ANKHD1: variants seen among roughly 807,000 people sequenced by gnomAD.
The protein encoded by ANKHD1 is ankyrin repeat and KH domain containing 1.
ANKHD1 carries 31 observed loss-of-function variants against 230.5 expected under a neutral mutation model. That is an observed-to-expected ratio of 0.13 (90% CI 0.10 to 0.18). The LOEUF is 0.18. Ranked by LOEUF, ANKHD1 falls within the 10% of genes least tolerant of loss-of-function variation. The pLI, the probability that ANKHD1 is intolerant of heterozygous loss-of-function variation, is 1.00. For synonymous variants in ANKHD1, 1,074 were observed against 1,117.6 expected (o/e 0.96, Z 0.78); for missense variants, 2,256 against 3,071.3 (o/e 0.73, Z 6.27).
chr5:140,524,876 G>A (rs572351422), intron 25 of ANKHD1: 55 of 198,538 alleles, frequency 2.8e-4, no homozygotes, highest in African/African-American at 1.2e-3. Context: ...GGCCGAGAGC[G>A]GATCACGAGG....
chr5:140,480,043 G>A (rs1425949522), intron 10 of ANKHD1, among the ~76,000 whole-genome samples: 1 of 151,800 alleles, frequency 6.6e-6, no homozygotes, highest in African/African-American at 2.4e-5. Context: ...GCCCACAGTA[G>A]CCTGATTCCC....
rs536935181 is a variant in ANKHD1 at position 140,507,338 on chromosome 5, G to C, written c.3551+361G>C. ...TATTTATTTTTTGAGATGGAGTTTC[G>C]CTCTTGTTGCCCAGGCTGGAATGCA... is the stretch of plus-strand genomic sequence containing the variant. On this transcript the variant is annotated intron_variant, in intron 19 of 33. Coordinates refer to ENST00000360839, the MANE Select transcript of ANKHD1 (RefSeq NM_017747.3). This position sits in a 1 kb window ranked among gnomAD's most constrained non-coding sequence, Gnocchi z 4.1. 2.6e-5 allele frequency among the ~76,000 whole-genome samples: 4 copies of C among 152,060 alleles called. No individual in the cohort carries two copies. The highest frequency in any genetic ancestry group is 4.4e-5 in the Non-Finnish European group (3 of 68,010).
intron 14 of ANKHD1, among the ~76,000 whole-genome samples, chr5:140,491,731 A>C (rs1426521042): frequency 6.6e-6 from 1 of 152,156 alleles, no homozygotes; most frequent in Non-Finnish European, 1.5e-5. Context: ...TTATGGATCT[A>C]TATAAGAATT....
chr5:140,472,496 C>G, intron 10 of ANKHD1: 1 of 1,275,936 alleles, frequency 7.8e-7, no homozygotes, highest in Non-Finnish European at 1.0e-6. Flanking sequence ...CCTTAGTCTT[C>G]TTTCTCAGTG....
chr5:140,436,239 G>A lies in ANKHD1; in HGVS notation c.442G>A (p.Ala148Thr), dbSNP rs1773437407. Residue 148 changes from alanine to threonine, a missense_variant, in exon 2 of 34, where the codon GCA (alanine) becomes ACA (threonine). By Grantham distance (58) the Ala-to-Thr change is moderately conservative. Transcript: ENST00000360839. ...VDPETQARLE[A>T]LLEAAGIGKL... is the part of the protein sequence containing the mutation. The stretch of plus-strand genomic sequence containing the variant: ...TCCAGAGACACAGGCACGACTAGAA[G>A]CATTGCTAGAAGCAGCAGGTACTTT... 6.3e-7 allele frequency: 1 copy of A among 1,576,106 alleles called. No individual in the cohort carries two copies. Among genetic ancestry groups the A allele is most frequent in the African/African-American group, 1.4e-5 (1 of 72,876 alleles).
Position 140,506,039 on chromosome 5 carries a change from A to G in ANKHD1, c.3408+170A>G, listed in dbSNP as rs1752520488. Among the ~76,000 whole-genome samples, 1 of 152,136 alleles carries G rather than the reference A, an allele frequency of 6.6e-6. No individual in the cohort carries two copies. Among genetic ancestry groups the G allele is most frequent in the Admixed American group, 6.5e-5 (1 of 15,280 alleles). ...GGCTAGAGTACAGTGGTGCAATTAC[A>G]GCTCGCTATAACCTTGAACTCTGGG... On this transcript the variant is annotated intron_variant, in intron 18 of 33. Coordinates refer to ENST00000360839, the MANE Select transcript of ANKHD1 (RefSeq NM_017747.3). The surrounding 1 kb of genome is among the most constrained non-coding windows in gnomAD (Gnocchi z 4.7).
In ANKHD1 at chr5:140,512,237, CAA is replaced by C. The variant is rs61129594; in HGVS notation, c.4105-575_4105-574del. Among the ~76,000 whole-genome samples, 317 of 87,906 alleles carry C rather than the reference CAA, an allele frequency of 3.6e-3. 1 individual carries two copies. Among genetic ancestry groups the C allele is most frequent in the Non-Finnish European group, 4.0e-3 (175 of 43,666 alleles). The allele number at this position is 87,906 out of a possible 152,430, so 57.7% of individuals were successfully genotyped here. The stretch of plus-strand genomic sequence containing the variant: ...GGCAACAACAGCGAGACTCCCATCT[CAA>C]AAAAAAAAAAAAAAAGATATGCTTA... On this transcript the variant is annotated intron_variant, in intron 22 of 33. Transcript: ENST00000360839.
intron 7 of ANKHD1, among the ~76,000 whole-genome samples, chr5:140,454,012 G>GAGT (rs1453809577): frequency 2.3e-4 from 35 of 152,156 alleles, no homozygotes; most frequent in African/African-American, 8.4e-4. Context: ...TAAAGGGATG[G>GAGT]AGTAAGACCT....
chr5:140,422,448 A>G (rs571480184), intron 1 of ANKHD1, among the ~76,000 whole-genome samples: 3 of 152,180 alleles, frequency 2.0e-5, no homozygotes, highest in Admixed American at 6.6e-5. Flanking sequence ...TTTATTCACA[A>G]TTATTTATTT....
chr5:140,514,854 C>T (rs184468014), intron 24 of ANKHD1, among the ~76,000 whole-genome samples: 2 of 152,164 alleles, frequency 1.3e-5, no homozygotes, highest in African/African-American at 4.8e-5. Context: ...CACCTGTAGT[C>T]CCAGCTACTC....
At chr5:140,459,064 A>G in intron 8 of ANKHD1, 100 bp from the exon 9 acceptor site, 1 of 1,105,026 alleles carries the variant, frequency 9.0e-7, no homozygotes, top group East Asian at 3.6e-5. Flanking sequence ...AGGAAACCAC[A>G]GAAGCAGAGA....
intron 1 of ANKHD1, among the ~76,000 whole-genome samples, chr5:140,418,791 G>A (rs750701442): frequency 3.0e-4 from 45 of 152,164 alleles, no homozygotes; most frequent in Middle Eastern, 3.4e-3. Context: ...AGTGCAGTGG[G>A]GCAGTCATAT....
chr5:140,441,915 A>G (rs550978351), intron 5 of ANKHD1, among the ~76,000 whole-genome samples: 1 of 151,210 alleles, frequency 6.6e-6, no homozygotes, highest in South Asian at 2.1e-4. Flanking sequence ...TATAAACTGT[A>G]TTTCTTATAA....
At chr5:140,535,718 A>T (rs1049942895) in intron 30 of ANKHD1, 180 bp downstream of exon 30, 2 of 958,342 alleles carry the variant, frequency 2.1e-6, no homozygotes, top group Non-Finnish European at 2.8e-6. Flanking sequence ...CTTGAGAATT[A>T]TTCTTTCAAG....
chr5:140,425,179 A>C (rs906841178), intron 1 of ANKHD1, among the ~76,000 whole-genome samples: 7 of 152,186 alleles, frequency 4.6e-5, no homozygotes, highest in Non-Finnish European at 8.8e-5. Context: ...TTTAACTTAG[A>C]TTTAGGAAAA....
chr5:140,505,797 A>G lies in ANKHD1; in HGVS notation c.3336A>G (p.Gly1112=). ...TTGAAATCCTTTTGGATAAAGGTGGAGATATAGAAGCACAGTCTGAACGAA... is the reference window on the plus strand; with the variant it reads ...TTGAAATCCTTTTGGATAAAGGTGGGGATATAGAAGCACAGTCTGAACGAA... ...GVVEILLDKG[G]DIEAQSERTK... is the part of the protein sequence containing the mutation. Residue 1112 remains glycine (G), a synonymous_variant, in exon 18 of 34, where the codon GGA becomes GGG. Transcript: ENST00000360839. 1.9e-6 allele frequency: 3 copies of G among 1,613,128 alleles called. No homozygotes were observed. Among genetic ancestry groups the G allele is most frequent in the South Asian group, 1.1e-5 (1 of 90,966 alleles).
At chr5:140,504,698 A>C in intron 15 of ANKHD1, 123 bp from the exon 16 acceptor site, 1 of 1,309,024 alleles carries the variant, frequency 7.6e-7, no homozygotes, top group Non-Finnish European at 1.0e-6. Context: ...TCTGATTCCA[A>C]AGCTTGTGAT....
chr5:140,467,131 T>A (rs889158045), intron 10 of ANKHD1, among the ~76,000 whole-genome samples: 1 of 152,150 alleles, frequency 6.6e-6, no homozygotes, highest in African/African-American at 2.4e-5. Context: ...TCTATCATAA[T>A]CTTTACCATA....
intron 24 of ANKHD1, among the ~76,000 whole-genome samples, chr5:140,518,431 C>G (rs567896539): frequency 2.6e-5 from 4 of 151,860 alleles, no homozygotes; most frequent in African/African-American, 9.7e-5. Context: ...CTCCCTAACT[C>G]ATTTTATGAG....
Sources: gnomAD v4.1 joint callset for allele counts (sites outside exome capture counted in the v4.1 genomes callset) on GRCh38, gnomAD v4.1.1 for gene constraint, Gnocchi (gnomAD v3.1) non-coding constraint, MANE v1.5 for transcripts, NCBI Gene and HGNC (gene_info 2026-07-23, HGNC 2026-07-21) for gene names.